LRRTM4: variants seen among roughly 807,000 people sequenced by gnomAD.
LRRTM4 encodes the protein leucine-rich repeat transmembrane neuronal protein 4.
A neutral mutation model predicts 47.6 loss-of-function variants in LRRTM4; 25 were observed. The observed-to-expected ratio is 0.53, with a 90% confidence interval of 0.38 to 0.73. The LOEUF (loss-of-function observed/expected upper bound fraction) is 0.73. Among genes scored for constraint, LRRTM4 ranks in the 30% least tolerant of loss-of-function variants. LRRTM4 has a pLI of 0.00. For missense variants in LRRTM4, 638 were observed against 713.4 expected (o/e 0.89, Z 1.20); for synonymous variants, 311 against 269.5 (o/e 1.15, Z -1.51).
intron 3 of LRRTM4, among the ~76,000 whole-genome samples, chr2:77,000,857 G>A (rs1228446531): frequency 6.6e-6 from 1 of 151,958 alleles, no homozygotes; most frequent in East Asian, 1.9e-4. Context: ...GCTGTGGAGG[G>A]ACCTTTCACA....
In LRRTM4 at chr2:76,899,311, CCACACACACACA is replaced by C. The variant is rs34031809; in HGVS notation, c.1552-150407_1552-150396del. Among the ~76,000 whole-genome samples the C allele has an allele frequency of 1.3e-3, 183 of 136,450 alleles. 1 individual carries two copies. Among genetic ancestry groups the C allele is most frequent in the East Asian group, 2.2e-3 (10 of 4,514 alleles). The allele number at this position is 136,450 out of a possible 152,430, so 89.5% of individuals were successfully genotyped here. A position where few individuals can be genotyped will look rare whatever the true frequency, so the allele number is the denominator to read the frequency against. Reference sequence around the variant, plus strand: ...TTGGAGGGAGAGAAAGACTAATAAACCACACACACACACACACACACACACACACACACACAC... The same window carrying C: ...TTGGAGGGAGAGAAAGACTAATAAACCACACACACACACACACACACACAC... On this transcript the variant is annotated intron_variant, in intron 3 of 3. Transcript: ENST00000409884.
At chr2:77,191,794 A>C (rs1231135396) in intron 3 of LRRTM4, among the ~76,000 whole-genome samples, 2 of 152,106 alleles carry the variant, frequency 1.3e-5, no homozygotes, top group South Asian at 2.1e-4. Context: ...ACTGGAGTAC[A>C]TGTTCAAGGT....
At chr2:76,800,196 C>G (rs936445024) in intron 3 of LRRTM4, among the ~76,000 whole-genome samples, 1 of 147,524 alleles carries the variant, frequency 6.8e-6, no homozygotes, top group East Asian at 2.0e-4. Context: ...TCCCTGACTT[C>G]AAACTATACT....
At chr2:77,450,262 G>A (rs988003830) in intron 3 of LRRTM4, among the ~76,000 whole-genome samples, 6 of 145,274 alleles carry the variant, frequency 4.1e-5, no homozygotes, top group South Asian at 2.2e-4. Flanking sequence ...TTCTCTCTCC[G>A]TCTCTCTCTC....
intron 3 of LRRTM4, among the ~76,000 whole-genome samples, chr2:77,347,586 T>C (rs1055348776): frequency 3.3e-5 from 5 of 152,152 alleles, no homozygotes; most frequent in Non-Finnish European, 5.9e-5. Context: ...AGATTAGTTG[T>C]GTTTTTTAAA....
At chr2:76,862,515 C>G (rs965279571) in intron 3 of LRRTM4, among the ~76,000 whole-genome samples, 2 of 152,180 alleles carry the variant, frequency 1.3e-5, no homozygotes, top group African/African-American at 4.8e-5. Flanking sequence ...AAAGATCACC[C>G]TGAAGGTCAT....
chr2:77,244,848 G>A (rs184356486), intron 3 of LRRTM4, among the ~76,000 whole-genome samples: 203 of 152,242 alleles, frequency 1.3e-3, no homozygotes, highest in African/African-American at 4.2e-3. Flanking sequence ...AGAATAAAGG[G>A]TCTCAGCCCA....
At chr2:76,865,059 C>T (rs1672428353) in intron 3 of LRRTM4, among the ~76,000 whole-genome samples, 1 of 151,996 alleles carries the variant, frequency 6.6e-6, no homozygotes, top group African/African-American at 2.4e-5. Context: ...TTACTGTGGT[C>T]CTGAAAACAT....
At chr2:76,981,260 T>C (rs1057068150) in intron 3 of LRRTM4, among the ~76,000 whole-genome samples, 13 of 152,100 alleles carry the variant, frequency 8.5e-5, no homozygotes, top group Non-Finnish European at 1.6e-4. Flanking sequence ...TGCTCTAAAA[T>C]AGATATCCAG....
At position 77,452,241 on chromosome 2, in the gene LRRTM4, T is replaced by C. The variant is rs78447218; in HGVS notation, c.1551+66077A>G. Among the ~76,000 whole-genome samples, 109 of 152,324 alleles carry C rather than the reference T, an allele frequency of 7.2e-4. 2 individuals carry two copies. The East Asian group carries it at 0.021, about 29-fold the overall frequency. ...AAAGGGGAACAGTTTATTAAGTTATTGCAGTGGACTACGCAGCATGCAATA... is the reference window on the plus strand; with the variant it reads ...AAAGGGGAACAGTTTATTAAGTTATCGCAGTGGACTACGCAGCATGCAATA... On this transcript the variant is annotated intron_variant, in intron 3 of 3. Coordinates refer to ENST00000409884, the MANE Select transcript of LRRTM4 (RefSeq NM_001134745.3).
chr2:77,348,742 C>A (rs58530050), intron 3 of LRRTM4, among the ~76,000 whole-genome samples: 2 of 149,104 alleles, frequency 1.3e-5, no homozygotes, highest in African/African-American at 4.9e-5. Context: ...CTCTTATGTA[C>A]GTTTATAAAA....
intron 3 of LRRTM4, among the ~76,000 whole-genome samples, chr2:76,861,446 T>C (rs983464726): frequency 6.6e-6 from 1 of 152,152 alleles, no homozygotes; most frequent in Non-Finnish European, 1.5e-5. Flanking sequence ...CACTTCTCCA[T>C]CAAAATCATC....
chr2:77,396,605 T>C (rs1673713568), intron 3 of LRRTM4, among the ~76,000 whole-genome samples: 1 of 151,952 alleles, frequency 6.6e-6, no homozygotes, highest in Admixed American at 6.6e-5. Flanking sequence ...ATTATATCTT[T>C]CACTGATATA....
intron 3 of LRRTM4, among the ~76,000 whole-genome samples, chr2:76,883,673 C>T (rs1044224521): frequency 2.0e-5 from 3 of 152,124 alleles, no homozygotes; most frequent in African/African-American, 7.2e-5. Flanking sequence ...CGCAAATCCC[C>T]ATCTCAGGAA....
intron 3 of LRRTM4, among the ~76,000 whole-genome samples, chr2:77,476,027 G>GA (rs1677374531): frequency 6.6e-6 from 1 of 151,746 alleles, no homozygotes; most frequent in Non-Finnish European, 1.5e-5. Context: ...CATACACAAA[G>GA]AAAAAATTAA....
intron 3 of LRRTM4, among the ~76,000 whole-genome samples, chr2:76,790,855 A>G (rs1674935644): frequency 6.6e-6 from 1 of 152,192 alleles, no homozygotes; most frequent in African/African-American, 2.4e-5. Context: ...ACTAGAAAAC[A>G]TGATGTAGGC....
At chr2:77,052,186 TG>T (rs1679457989) in intron 3 of LRRTM4, among the ~76,000 whole-genome samples, 1 of 141,882 alleles carries the variant, frequency 7.0e-6, no homozygotes, top group Non-Finnish European at 1.5e-5. Flanking sequence ...GACAGAGTTT[TG>T]CTCTTTGCTC....
At chr2:77,384,344 TG>T (rs1406002559) in intron 3 of LRRTM4, among the ~76,000 whole-genome samples, 2 of 151,950 alleles carry the variant, frequency 1.3e-5, no homozygotes, top group African/African-American at 4.8e-5. Flanking sequence ...AGCTGTGTGA[TG>T]TTATCCAAGT....
intron 3 of LRRTM4, among the ~76,000 whole-genome samples, chr2:77,050,531 T>G (rs1021329356): frequency 2.6e-5 from 4 of 152,166 alleles, no homozygotes; most frequent in African/African-American, 9.7e-5. Flanking sequence ...ATTAGGACAA[T>G]AAAGATAAGA....
Sources: gnomAD v4.1 joint callset for allele counts (sites outside exome capture counted in the v4.1 genomes callset) on GRCh38, gnomAD v4.1.1 for gene constraint, MANE v1.5 for transcripts, NCBI Gene and HGNC (gene_info 2026-07-23, HGNC 2026-07-21) for gene names.